RFFL: variants seen among roughly 807,000 people sequenced by gnomAD.
The protein encoded by RFFL is ring finger and FYVE like domain containing E3 ubiquitin protein ligase.
A neutral mutation model predicts 40.4 loss-of-function variants in RFFL; 16 were observed. That is an observed-to-expected ratio of 0.40 (90% CI 0.27 to 0.60). The LOEUF is 0.60. Ranked by LOEUF, RFFL falls within the 20% of genes least tolerant of loss-of-function variation. RFFL has a pLI of 0.47. For synonymous variants in RFFL, 154 were observed against 167.9 expected, an observed-to-expected ratio of 0.92 and a Z score of 0.64; for missense variants, 367 against 451.7, an observed-to-expected ratio of 0.81 and a Z score of 1.70.
rs115639126 is a variant in RFFL, at chr17:35,081,262, A to G, written c.-9+7843T>C. Among the ~76,000 whole-genome samples, 1,411 of 152,322 alleles carry G rather than the reference A, an allele frequency of 9.3e-3. 17 individuals carry two copies. Among genetic ancestry groups the G allele is most frequent in the African/African-American group, 0.032 (1,349 of 41,564 alleles). ...GAATCTTGCAGGAAATTAAGTGTGGATTGAGTAATTAAATGTAAAGTCTCC... is the reference window on the plus strand; with the variant it reads ...GAATCTTGCAGGAAATTAAGTGTGGGTTGAGTAATTAAATGTAAAGTCTCC... On this transcript the variant is annotated intron_variant, in intron 1 of 6. Transcript: ENST00000315249.
At position 35,021,767 on chromosome 17, in the gene RFFL, G is replaced by C. The variant is rs1036878382; in HGVS notation, c.195C>G (p.Asp65Glu). Reference protein sequence around the residue: ...ANTARKQTCLDCKKNFCMTCS... With the variant: ...ANTARKQTCLECKKNFCMTCS... ...AGGTCATGCAAAAATTTTTCTTACA[G>C]TCCAAGCAGGTCTGCTGCTTAGAGC... The change falls in exon 3 of 7, where the codon GAC (aspartate) becomes GAG (glutamate). Residue 65 changes from aspartate to glutamate, a missense_variant. By Grantham distance (45) the Asp-to-Glu change is conservative. Coordinates refer to ENST00000394597, the MANE Select transcript of RFFL (RefSeq NM_001017368.2). 2 of 1,614,090 alleles carry C rather than the reference G, an allele frequency of 1.2e-6. No homozygotes were observed. The highest frequency in any genetic ancestry group is 1.3e-5 in the African/African-American group (1 of 74,928).
chr17:35,076,282 A>G (rs2091376030), intron 1 of RFFL, among the ~76,000 whole-genome samples: 1 of 152,020 alleles, frequency 6.6e-6, no homozygotes, highest in South Asian at 2.1e-4. Context: ...GGCATGAGCC[A>G]CCATGCCCGG....
chr17:35,061,382 C>A (rs2091289976), intron 1 of RFFL, among the ~76,000 whole-genome samples: 1 of 152,084 alleles, frequency 6.6e-6, no homozygotes, highest in African/African-American at 2.4e-5. Context: ...ATGGTGGTAT[C>A]CGTAATCTTT....
chr17:35,021,390 T>G lies in RFFL; in HGVS notation c.572A>C (p.Gln191Pro). 6.6e-7 allele frequency: 1 copy of G among 1,521,380 alleles called. No homozygotes were observed. 94.2% of individuals were successfully genotyped at this position (1,521,380 alleles called of 1,614,324 possible). Residue 191 changes from glutamine to proline, a missense_variant, in exon 3 of 7, where the codon CAG becomes CCG. Gln to Pro is a moderately conservative substitution (Grantham distance 76). Transcript: ENST00000394597. ...SAQATSVPPAQVQENQQANGH... is the reference protein window; with the variant it reads ...SAQATSVPPAPVQENQQANGH... ...CCTTACCTGCTGATTCTCCTGAACC[T>G]GGGCTGGGGGAACAGAGGTGGCTTG... is the stretch of plus-strand genomic sequence containing the variant.
At chr17:35,054,745 G>A (rs117927595) in intron 1 of RFFL, among the ~76,000 whole-genome samples, 1,959 of 152,244 alleles carry the variant, frequency 0.013, 26 homozygotes, top group Non-Finnish European at 0.019. Flanking sequence ...TGGGGCCTGG[G>A]TCAGACAGAA....
intron 1 of RFFL, among the ~76,000 whole-genome samples, chr17:35,061,899 C>G (rs2091293416): frequency 6.6e-6 from 1 of 151,838 alleles, no homozygotes; most frequent in African/African-American, 2.4e-5. Context: ...AGGCTGGTCT[C>G]AAACTCCTGA....
Position 35,010,138 on chromosome 17 carries a change from G to A in RFFL, c.*1830C>T, listed in dbSNP as rs1285416543. Reference sequence around the variant, plus strand: ...GTTTAGTGGTTGGTGATGGAAGAAAGCATAAATATGTCTGTACCAATGTAA... The same window carrying A: ...GTTTAGTGGTTGGTGATGGAAGAAAACATAAATATGTCTGTACCAATGTAA... On this transcript the variant is annotated 3_prime_UTR_variant, in exon 7 of 7. Transcript: ENST00000394597. The A allele has an allele frequency of 6.6e-6, 1 of 152,274 alleles. No homozygotes were observed. Among genetic ancestry groups the A allele is most frequent in the Admixed American group, 6.5e-5 (1 of 15,284 alleles). 9.4% of individuals were successfully genotyped at this position (152,274 alleles called of 1,614,324 possible).
rs1459681314 is a variant in RFFL at position 35,007,082 on chromosome 17, A to G, written c.*4886T>C. Reference sequence around the variant, plus strand: ...CCATTTCTCTCTTCAGCCTCAGGCCAAACAAACAACCGGACAGGGCAGCAG... The same window carrying G: ...CCATTTCTCTCTTCAGCCTCAGGCCGAACAAACAACCGGACAGGGCAGCAG... On this transcript the variant is annotated 3_prime_UTR_variant, in exon 7 of 7. Transcript: ENST00000394597. The G allele has an allele frequency of 1.3e-5, 2 of 152,120 alleles. No individual in the cohort carries two copies. The highest frequency in any genetic ancestry group is 4.8e-5 in the African/African-American group (2 of 41,342). The allele number at this position is 152,120 out of a possible 1,614,324, so 9.4% of individuals were successfully genotyped here. A position where few individuals can be genotyped will look rare whatever the true frequency, so the allele number is the denominator to read the frequency against.
intron 1 of RFFL, among the ~76,000 whole-genome samples, chr17:35,083,336 T>C (rs1436716984): frequency 6.6e-6 from 1 of 152,208 alleles, no homozygotes; most frequent in African/African-American, 2.4e-5. Context: ...GCAATTTACA[T>C]AAAAGTTATA....
chr17:35,079,399 C>T (rs2091393669), intron 1 of RFFL, among the ~76,000 whole-genome samples: 1 of 152,148 alleles, frequency 6.6e-6, no homozygotes, highest in Non-Finnish European at 1.5e-5. Context: ...CCACAAATAA[C>T]AACAGAGCTA....
upstream of RFFL, among the ~76,000 whole-genome samples, chr17:35,068,524 C>T (rs1438071869): frequency 6.6e-6 from 1 of 152,226 alleles, no homozygotes; most frequent in Non-Finnish European, 1.5e-5. Context: ...AACAACCCCC[C>T]AGTTGTGTGA....
intron 2 of RFFL, among the ~76,000 whole-genome samples, chr17:35,023,418 C>T (rs937056681): frequency 2.0e-5 from 3 of 152,220 alleles, no homozygotes; most frequent in Non-Finnish European, 4.4e-5. Context: ...GGACATATAT[C>T]AAGCTCCCTA....
At chr17:35,026,316 C>T (rs573501102) in intron 2 of RFFL, 58 bp downstream of exon 2, 16 of 1,558,328 alleles carry the variant, frequency 1.0e-5, no homozygotes, top group East Asian at 6.9e-5. Flanking sequence ...GGGTCAGTGG[C>T]GCTTGCCCAT....
intron 1 of RFFL, among the ~76,000 whole-genome samples, chr17:35,030,968 C>T (rs1039458120): frequency 6.6e-6 from 1 of 151,998 alleles, no homozygotes; most frequent in Non-Finnish European, 1.5e-5. Context: ...TTGTTATCCA[C>T]ATTATAACAA....
chr17:35,054,208 G>A (rs1001408576), intron 1 of RFFL, among the ~76,000 whole-genome samples: 2 of 152,100 alleles, frequency 1.3e-5, no homozygotes, highest in Admixed American at 6.6e-5. Context: ...CTCTCTAACC[G>A]TGTAGAGGTC....
intron 1 of RFFL, among the ~76,000 whole-genome samples, chr17:35,054,738 G>A (rs1284386364): frequency 6.6e-6 from 1 of 152,052 alleles, no homozygotes; most frequent in Non-Finnish European, 1.5e-5. Flanking sequence ...AGGAGCATGG[G>A]GCCTGGGTCA....
chr17:35,067,828 A>G (rs1049353076), upstream of RFFL, among the ~76,000 whole-genome samples: 2 of 152,142 alleles, frequency 1.3e-5, no homozygotes, highest in Middle Eastern at 3.2e-3. Context: ...TTCCCTAAGC[A>G]CTGTTTAGAG....
intron 1 of RFFL, among the ~76,000 whole-genome samples, chr17:35,082,004 T>G (rs1345987512): frequency 6.6e-6 from 1 of 152,166 alleles, no homozygotes; most frequent in East Asian, 1.9e-4. Flanking sequence ...ACATCATAAT[T>G]CAATATAGAA....
intron 1 of RFFL, among the ~76,000 whole-genome samples, chr17:35,053,105 C>G (rs1457752591): frequency 1.3e-5 from 2 of 152,152 alleles, no homozygotes; most frequent in Non-Finnish European, 2.9e-5. Flanking sequence ...GCATTAGTAT[C>G]TGAATTTAAG....
Sources: allele counts gnomAD v4.1 joint callset (sites outside exome capture counted in the v4.1 genomes callset), GRCh38; gene constraint gnomAD v4.1.1; transcripts MANE v1.5; gene names NCBI Gene and HGNC (gene_info 2026-07-23, HGNC 2026-07-21).